The following ECPAS variants were observed in gnomAD, a reference collection of about 807,000 sequenced individuals.
The protein encoded by ECPAS is Ecm29 proteasome adaptor and scaffold, also known as proteasome adapter and scaffold protein ECM29.
A neutral mutation model predicts 255.1 loss-of-function variants in ECPAS; 70 were observed. That is an observed-to-expected ratio of 0.27 (90% CI 0.23 to 0.33). ECPAS has a LOEUF of 0.33. Ranked by LOEUF, ECPAS falls within the 10% of genes least tolerant of loss-of-function variation. The pLI, the probability that ECPAS is intolerant of heterozygous loss-of-function variation, is 1.00. For missense variants in ECPAS, 1,817 were observed against 2,206.4 expected (o/e 0.82, Z 3.54); for synonymous variants, 784 against 775.0 (o/e 1.01, Z -0.19).
At chr9:111,456,877 C>T (rs1353862187) in intron 2 of ECPAS, among the ~76,000 whole-genome samples, 1 of 152,126 alleles carries the variant, frequency 6.6e-6, no homozygotes, top group Non-Finnish European at 1.5e-5. Context: ...AGGCTTACCT[C>T]ACAAGTATAT....
rs765569006 is a variant in ECPAS at position 111,484,085 on chromosome 9, G to A, written c.-83+31C>T. 2.0e-4 allele frequency: 248 copies of A among 1,260,618 alleles called. No homozygotes were observed. The Middle Eastern group carries it at 4.6e-3, about 24-fold the overall frequency. 78.1% of individuals were successfully genotyped at this position (1,260,618 alleles called of 1,614,324 possible). ...CCGCGCCGCCGCGCGCGCAGGGCCA[G>A]TCCCCCGCGGCCCGGGGGCGGGCCT... is the stretch of plus-strand genomic sequence containing the variant. On this transcript the variant is annotated intron_variant, in intron 1 of 49. Transcript: ENST00000684092.
intron 2 of ECPAS, among the ~76,000 whole-genome samples, chr9:111,470,752 A>ACACACACC (rs2098286711): frequency 6.7e-6 from 1 of 148,502 alleles, no homozygotes. Context: ...CCCGCCACAC[A>ACACACACC]CACACACACA....
rs190822128 is a variant in ECPAS, at chr9:111,369,035, G to A, written c.5113C>T (p.Arg1705Cys). ...KAWPRNAETQ[R>C]CYRQELCKLM... ...TTCAAATGCAGTTTCTGGTGCTTAC[G>A]TTGGGTCTCCGCGTTTCGCGGCCAG... The change falls in exon 46 of 50, where the codon CGT becomes TGT. Residue 1705 changes from arginine to cysteine, a missense_variant and splice_region_variant. By Grantham distance (180) the Arg-to-Cys change is radical. Coordinates refer to ENST00000684092, the MANE Select transcript of ECPAS (RefSeq NM_001364929.1). 2.0e-5 allele frequency: 31 copies of A among 1,573,950 alleles called. No homozygotes were observed. The East Asian group carries it at 2.3e-4, about 12-fold the overall frequency.
chr9:111,468,014 G>A (rs770090197), intron 2 of ECPAS, among the ~76,000 whole-genome samples: 5 of 152,056 alleles, frequency 3.3e-5, no homozygotes, highest in Non-Finnish European at 5.9e-5. Flanking sequence ...TTACTCAGGC[G>A]TGGTGGCATG....
intron 1 of ECPAS, among the ~76,000 whole-genome samples, chr9:111,480,919 G>T (rs2098303897): frequency 6.6e-6 from 1 of 152,200 alleles, no homozygotes; most frequent in Non-Finnish European, 1.5e-5. Context: ...TGAATGTATG[G>T]AAGCACACTG....
chr9:111,473,811 A>G (rs1452273662), intron 1 of ECPAS, among the ~76,000 whole-genome samples: 2 of 152,108 alleles, frequency 1.3e-5, no homozygotes, highest in East Asian at 1.9e-4. Flanking sequence ...TACAGAAAAT[A>G]CAAAAATTAG....
chr9:111,374,986 A>C (rs2098131732), intron 38 of ECPAS, 127 bp downstream of exon 38: 1 of 683,498 alleles, frequency 1.5e-6, no homozygotes. Context: ...CAACCACAGA[A>C]ATAAAATGGT....
intron 2 of ECPAS, among the ~76,000 whole-genome samples, chr9:111,457,792 ACAGT>A (rs2131999370): frequency 6.6e-6 from 1 of 152,330 alleles, no homozygotes; most frequent in South Asian, 2.1e-4. Context: ...ATTAATCCAC[ACAGT>A]CAAACAAATA....
At chr9:111,388,232 C>A (rs1305723765) in intron 31 of ECPAS, among the ~76,000 whole-genome samples, 4 of 151,386 alleles carry the variant, frequency 2.6e-5, no homozygotes, top group African/African-American at 9.7e-5. Context: ...CTTCTCTCAA[C>A]ATTCTCCATG....
At chr9:111,410,863 T>C in intron 22 of ECPAS, 117 bp downstream of exon 22, 1 of 1,099,814 alleles carries the variant, frequency 9.1e-7, no homozygotes, top group East Asian at 2.4e-5. Flanking sequence ...AAGTTTTTTG[T>C]GAAAAAGCTT....
chr9:111,405,713 G>A (rs1280397974), intron 24 of ECPAS, among the ~76,000 whole-genome samples: 1 of 149,650 alleles, frequency 6.7e-6, no homozygotes, highest in Non-Finnish European at 1.5e-5. Context: ...AATCTGATTT[G>A]AAAAGGGACA....
At chr9:111,454,993 C>G (rs2098265094) in intron 2 of ECPAS, among the ~76,000 whole-genome samples, 1 of 152,096 alleles carries the variant, frequency 6.6e-6, no homozygotes, top group Admixed American at 6.6e-5. Context: ...CTTTGGCCTC[C>G]CAAAGTGCTG....
intron 49 of ECPAS, among the ~76,000 whole-genome samples, 181 bp from the exon 50 acceptor site, chr9:111,362,350 A>T (rs775188378): frequency 6.6e-6 from 1 of 152,150 alleles, no homozygotes; most frequent in Non-Finnish European, 1.5e-5. Context: ...TACTGTCAAT[A>T]TGTGTCTCAA....
chr9:111,378,722 G>C lies in ECPAS; in HGVS notation c.3812C>G (p.Thr1271Ser). Reference sequence around the variant, plus strand: ...TGCACTTTTGCTGATCTTCACAAGGGTGTTAATGCTACAAACATATGGAAC... The same window carrying C: ...TGCACTTTTGCTGATCTTCACAAGGCTGTTAATGCTACAAACATATGGAAC... ...VTEVRALSINTLVKISKSAGA... is the reference protein window; with the variant it reads ...VTEVRALSINSLVKISKSAGA... The change falls in exon 36 of 50, where the codon ACC becomes AGC. Residue 1271 changes from threonine (T) to serine (S), a missense_variant. This residue lies in a region of ECPAS where 960 missense variants were observed against 1,179.0 expected (regional missense o/e 0.81). Transcript: ENST00000684092. The C allele has an allele frequency of 6.2e-7, 1 of 1,610,732 alleles. No individual in the cohort carries two copies. The highest frequency in any genetic ancestry group is 8.5e-7 in the Non-Finnish European group (1 of 1,177,734).
chr9:111,459,560 T>C (rs562258112), intron 2 of ECPAS, among the ~76,000 whole-genome samples: 1 of 152,254 alleles, frequency 6.6e-6, no homozygotes, highest in South Asian at 2.1e-4. Context: ...GGTATGTTAA[T>C]AACCCCATTT....
chr9:111,465,992 C>G (rs1439834748), intron 2 of ECPAS, among the ~76,000 whole-genome samples: 1 of 151,778 alleles, frequency 6.6e-6, no homozygotes, highest in Non-Finnish European at 1.5e-5. Flanking sequence ...TAGATCATGC[C>G]TCTGCACTCC....
At chr9:111,472,575 G>A (rs1395755797) in intron 2 of ECPAS, among the ~76,000 whole-genome samples, 2 of 151,640 alleles carry the variant, frequency 1.3e-5, no homozygotes, top group Admixed American at 6.6e-5. Context: ...GGGAGATCAA[G>A]GCTACAATGA....
At chr9:111,417,484 G>C (rs2098205676) in intron 17 of ECPAS, among the ~76,000 whole-genome samples, 4 of 152,236 alleles carry the variant, frequency 2.6e-5, no homozygotes, top group African/African-American at 9.6e-5. Context: ...GGTGGTTCAT[G>C]CCTGTAAACC....
chr9:111,378,114 C>T (rs1347475399), intron 36 of ECPAS, among the ~76,000 whole-genome samples: 5 of 151,712 alleles, frequency 3.3e-5, no homozygotes, highest in African/African-American at 1.2e-4. Flanking sequence ...CCACTGCACT[C>T]CAGCCTGGGT....
Sources: allele counts gnomAD v4.1 joint callset (sites outside exome capture counted in the v4.1 genomes callset), GRCh38; gene constraint gnomAD v4.1.1; regional missense constraint gnomAD v4.1.1; transcripts MANE v1.5; gene names NCBI Gene and HGNC (gene_info 2026-07-23, HGNC 2026-07-21).